Variants in WNK1 observed in about 807,000 individuals in gnomAD.
The protein encoded by WNK1 is WNK lysine deficient protein kinase 1.
WNK1 carries 38 observed loss-of-function variants against 222.8 expected under a neutral mutation model. The ratio of observed to expected loss-of-function variants is 0.17; its 90% CI spans 0.13 to 0.22. The LOEUF is 0.22. WNK1 is among the 10% of genes least tolerant of loss of function. The probability of loss-of-function intolerance (pLI) is 1.00; values close to 1 mark genes in which losing one functional copy is unlikely to be tolerated. For synonymous variants in WNK1, 1,090 were observed against 1,092.9 expected (o/e 1.00, Z 0.05); for missense variants, 2,348 against 2,918.4 (o/e 0.80, Z 4.50).
chr12:788,163 A>T (rs1369668141), intron 1 of WNK1, among the ~76,000 whole-genome samples: 1 of 152,166 alleles, frequency 6.6e-6, no homozygotes, highest in Non-Finnish European at 1.5e-5. Context: ...AGCTGATTGT[A>T]GGTTTAACCA....
At chr12:818,256 G>T (rs2154018387) in intron 2 of WNK1, among the ~76,000 whole-genome samples, 1 of 152,194 alleles carries the variant, frequency 6.6e-6, no homozygotes, top group South Asian at 2.1e-4. Flanking sequence ...CAATTAAAAA[G>T]AAATTTTCAG....
intron 1 of WNK1, among the ~76,000 whole-genome samples, chr12:787,355 G>C (rs1294316687): frequency 6.6e-6 from 1 of 152,104 alleles, no homozygotes; most frequent in East Asian, 1.9e-4. Context: ...GGGCTCAAGT[G>C]ATCCTCCTGC....
At position 910,887 on chromosome 12, in the gene WNK1, T is replaced by TATTTA. The variant is rs1483733308; in HGVS notation, c.*2096_*2100dup. ...CTTCCACCCCTGCTTTAAAATGATT[T>TATTTA]ATTTATTCTCTGCTTGTATTTCTTG... On this transcript the variant is annotated 3_prime_UTR_variant, in exon 28 of 28. Coordinates refer to ENST00000315939, the MANE Select transcript of WNK1 (RefSeq NM_018979.4). 6.2e-6 allele frequency: 1 copy of TATTTA among 160,046 alleles called. No homozygotes were observed. The highest frequency in any genetic ancestry group is 2.4e-5 in the African/African-American group (1 of 41,818). 9.9% of individuals were successfully genotyped at this position (160,046 alleles called of 1,614,324 possible).
intron 9 of WNK1, among the ~76,000 whole-genome samples, chr12:877,089 G>C (rs751193965): frequency 1.0e-5 from 1 of 96,908 alleles, no homozygotes; most frequent in Non-Finnish European, 1.9e-5. Flanking sequence ...TGGAGACAGA[G>C]TTTCGATCTT....
At chr12:763,589 C>A (rs1332911865) in intron 1 of WNK1, among the ~76,000 whole-genome samples, 17 of 137,782 alleles carry the variant, frequency 1.2e-4, no homozygotes, top group South Asian at 2.4e-4. Context: ...AACTCTGTCT[C>A]AAAAAAAAAA....
chr12:794,036 T>G (rs1032828223), intron 1 of WNK1, among the ~76,000 whole-genome samples: 1 of 152,202 alleles, frequency 6.6e-6, no homozygotes, highest in Non-Finnish European at 1.5e-5. Flanking sequence ...TGTGACTGGC[T>G]TTTTTCACTC....
intron 4 of WNK1, among the ~76,000 whole-genome samples, chr12:853,443 T>A (rs536227956): frequency 2.0e-5 from 3 of 152,308 alleles, no homozygotes; most frequent in African/African-American, 7.2e-5. Context: ...TGATTGCCTT[T>A]ATACTCAGAG....
intron 1 of WNK1, among the ~76,000 whole-genome samples, chr12:763,447 G>A (rs891829933): frequency 6.8e-6 from 1 of 146,770 alleles, no homozygotes. Context: ...AAACTAGCCG[G>A]GTGTGGTGGT....
intron 1 of WNK1, among the ~76,000 whole-genome samples, chr12:787,495 A>C (rs906808301): frequency 5.9e-5 from 9 of 152,236 alleles, no homozygotes; most frequent in Non-Finnish European, 1.2e-4. Flanking sequence ...TCTGGAAGTC[A>C]ATAAATGTTA....
rs1215378676 is a variant in WNK1, at chr12:752,969, C to T, written c.-597C>T. The T allele has an allele frequency of 6.6e-6, 1 of 152,164 alleles. No individual in the cohort carries two copies. Among genetic ancestry groups the T allele is most frequent in the Non-Finnish European group, 1.5e-5 (1 of 68,060 alleles). The allele number at this position is 152,164 out of a possible 1,614,324, so 9.4% of individuals were successfully genotyped here. On this transcript the variant is annotated 5_prime_UTR_variant, in exon 1 of 28. Transcript: ENST00000315939. The stretch of plus-strand genomic sequence containing the variant: ...ATGGGCGACCTGTGAGGCCGGTCCC[C>T]ATCGCTGGGGGCGCGTGTGGGAGGA...
rs766628142 is a variant in WNK1 at position 753,842 on chromosome 12, C to A, written c.277C>A (p.Leu93Met). Residue 93 changes from leucine (L) to methionine (M), a missense_variant, in exon 1 of 28, where the codon CTG becomes ATG. Around this residue, in one of 13 missense-constraint regions of WNK1, gnomAD observed 185 missense variants for 159.2 expected, o/e 1.16. Coordinates refer to ENST00000315939, the MANE Select transcript of WNK1 (RefSeq NM_018979.4). The surrounding 1 kb of genome is among the most constrained non-coding windows in gnomAD (Gnocchi z 5.2). The part of the protein sequence containing the change: ...SVICDSNATA[L>M]ELPGLPLSLP... ...CATCTGTGACTCCAATGCCACTGCACTGGAGCTTCCCGGCCTTCCTCTTTC... is the reference window on the plus strand; with the variant it reads ...CATCTGTGACTCCAATGCCACTGCAATGGAGCTTCCCGGCCTTCCTCTTTC... 2 of 1,612,722 alleles carry A rather than the reference C, an allele frequency of 1.2e-6. No homozygotes were observed. Among genetic ancestry groups the A allele is most frequent in the Admixed American group, 1.7e-5 (1 of 60,026 alleles).
chr12:865,095 TTGTTTTG>T lies in WNK1; in HGVS notation c.2139+2830_2139+2836del, dbSNP rs773573905. The stretch of plus-strand genomic sequence containing the variant: ...AGTACTGTGTTTTTCATGTGTGTGT[TTGTTTTG>T]TGTTGAGCCTCGTCGTGGCCGTAGC... On this transcript the variant is annotated intron_variant, in intron 8 of 27. Coordinates refer to ENST00000315939, the MANE Select transcript of WNK1 (RefSeq NM_018979.4). The T allele has an allele frequency of 2.3e-5, 35 of 1,497,450 alleles. No individual in the cohort carries two copies. Among genetic ancestry groups the T allele is most frequent in the Non-Finnish European group, 3.1e-5 (35 of 1,125,332 alleles). 92.8% of individuals were successfully genotyped at this position (1,497,450 alleles called of 1,614,324 possible). A position where few individuals can be genotyped will look rare whatever the true frequency, so the allele number is the denominator to read the frequency against.
intron 4 of WNK1, among the ~76,000 whole-genome samples, chr12:847,506 C>G (rs1285972408): frequency 6.6e-6 from 1 of 152,134 alleles, no homozygotes; most frequent in Non-Finnish European, 1.5e-5. Context: ...ACCAGTTTGA[C>G]TGAACTTACT....
intron 4 of WNK1, among the ~76,000 whole-genome samples, chr12:839,541 CTCATTTG>C (rs1189279248): frequency 6.6e-6 from 1 of 152,048 alleles, no homozygotes; most frequent in Non-Finnish European, 1.5e-5. Context: ...TTGAGCTAAC[CTCATTTG>C]TTTTTTTCCA....
intron 2 of WNK1, among the ~76,000 whole-genome samples, chr12:815,755 G>T (rs72648618): frequency 6.6e-6 from 1 of 152,184 alleles, no homozygotes; most frequent in Admixed American, 6.5e-5. Flanking sequence ...TGTCTGGCAT[G>T]CCTAAGATTA....
chr12:889,951 CTT>C (rs755068368), intron 21 of WNK1, among the ~76,000 whole-genome samples: 16 of 130,400 alleles, frequency 1.2e-4, no homozygotes, highest in Admixed American at 1.6e-4. Flanking sequence ...TAAAATGTAC[CTT>C]TTTTTTTTTT....
chr12:822,321 T>C (rs955927316), intron 2 of WNK1, among the ~76,000 whole-genome samples: 2 of 152,120 alleles, frequency 1.3e-5, no homozygotes, highest in Non-Finnish European at 2.9e-5. Flanking sequence ...CTCAAACTCC[T>C]GACCTTGTGG....
intron 17 of WNK1, 89 bp downstream of exon 17, chr12:883,920 C>G: frequency 6.5e-7 from 1 of 1,548,564 alleles, no homozygotes; most frequent in East Asian, 2.3e-5. Flanking sequence ...CCCAGCTACT[C>G]AGGAGGCCGA....
rs543692032 is a variant in WNK1 at position 884,384 on chromosome 12, A to C, written c.3844+141A>C. 47 of 1,332,726 alleles carry C rather than the reference A, an allele frequency of 3.5e-5. No individual in the cohort carries two copies. The African/African-American group carries it at 6.0e-4, about 17-fold the overall frequency. 82.6% of individuals were successfully genotyped at this position (1,332,726 alleles called of 1,614,324 possible). ...AACTGAAGTTATAACCAACAGATAA[A>C]CATATGGGAGAGGGAAATAGATGAA... is the stretch of plus-strand genomic sequence containing the variant. On this transcript the variant is annotated intron_variant, in intron 18 of 27. Transcript: ENST00000315939. This position sits in a 1 kb window ranked among gnomAD's most constrained non-coding sequence, Gnocchi z 5.6.
Sources: allele counts gnomAD v4.1 joint callset (sites outside exome capture counted in the v4.1 genomes callset), GRCh38; gene constraint gnomAD v4.1.1; regional missense constraint gnomAD v4.1.1; non-coding constraint Gnocchi (gnomAD v3.1); transcripts MANE v1.5; gene names NCBI Gene and HGNC (gene_info 2026-07-23, HGNC 2026-07-21).